LINGO1: variants seen among roughly 807,000 people sequenced by gnomAD.
LINGO1 encodes leucine-rich repeat and immunoglobulin-like domain-containing nogo receptor-interacting protein 1.
In LINGO1, 11 loss-of-function variants were observed where a neutral mutation model predicts 37.3. That is an observed-to-expected ratio of 0.29 (90% CI 0.19 to 0.49). The LOEUF (loss-of-function observed/expected upper bound fraction) is 0.49. Among genes scored for constraint, LINGO1 ranks in the 20% least tolerant of loss-of-function variants. The pLI is 0.99. For missense variants in LINGO1, 585 were observed against 878.2 expected (o/e 0.67, Z 4.22); for synonymous variants, 387 against 403.0 (o/e 0.96, Z 0.48).
upstream of LINGO1, among the ~76,000 whole-genome samples, chr15:77,788,913 A>G (rs2076796763): frequency 6.6e-6 from 1 of 152,174 alleles, no homozygotes. Flanking sequence ...ACAAGTACAC[A>G]CCATGTACCA....
chr15:77,649,216 T>A (rs1178974208), intron 3 of LINGO1: 7 of 152,246 alleles, frequency 4.6e-5, no homozygotes, highest in African/African-American at 1.7e-4. Context: ...CACACGGTCA[T>A]ATAAATGGGA....
intron 2 of LINGO1, among the ~76,000 whole-genome samples, chr15:77,709,110 A>T (rs950557996): frequency 6.6e-6 from 1 of 152,232 alleles, no homozygotes; most frequent in Non-Finnish European, 1.5e-5. Flanking sequence ...TCAGACTTCC[A>T]GTCTCCAGAG....
At chr15:77,681,191 G>C (rs1367705817) in intron 2 of LINGO1, among the ~76,000 whole-genome samples, 1 of 151,594 alleles carries the variant, frequency 6.6e-6, no homozygotes, top group Non-Finnish European at 1.5e-5. Flanking sequence ...TTTTGATGAT[G>C]AGAAATTCAA....
At chr15:77,636,218 A>G (rs1408294321), upstream of LINGO1, among the ~76,000 whole-genome samples, 1 of 152,164 alleles carries the variant, frequency 6.6e-6, no homozygotes, top group African/African-American at 2.4e-5. Flanking sequence ...AGGAGGCAGG[A>G]GGTGGAGCTG....
At chr15:77,647,074 C>T (rs929390496) in intron 3 of LINGO1, among the ~76,000 whole-genome samples, 8 of 111,242 alleles carry the variant, frequency 7.2e-5, no homozygotes, top group East Asian at 2.9e-4. Context: ...TATGGAGGTG[C>T]GGGAGGGCTC....
intron 2 of LINGO1, among the ~76,000 whole-genome samples, chr15:77,689,675 C>T (rs1035948573): frequency 6.6e-6 from 1 of 152,184 alleles, no homozygotes; most frequent in Non-Finnish European, 1.5e-5. Context: ...CCCATCTTTG[C>T]CTGCGCTATC....
intron 2 of LINGO1, among the ~76,000 whole-genome samples, chr15:77,721,556 A>G (rs1266267963): frequency 6.6e-6 from 1 of 152,080 alleles, no homozygotes; most frequent in Non-Finnish European, 1.5e-5. Flanking sequence ...CCTCCATTCA[A>G]CTACAGAAGC....
At chr15:77,772,709 C>T (rs2076598165) in intron 1 of LINGO1, among the ~76,000 whole-genome samples, 1 of 152,084 alleles carries the variant, frequency 6.6e-6, no homozygotes, top group Non-Finnish European at 1.5e-5. Flanking sequence ...TTTTCCTTCT[C>T]CAAATGAGGT....
At chr15:77,750,401 T>TAC (rs142950882) in intron 1 of LINGO1, among the ~76,000 whole-genome samples, 1 of 152,236 alleles carries the variant, frequency 6.6e-6, no homozygotes, top group Non-Finnish European at 1.5e-5. Context: ...TTATTTGTTT[T>TAC]ACACACACAC....
intron 2 of LINGO1, among the ~76,000 whole-genome samples, chr15:77,705,891 C>A (rs1478571703): frequency 6.6e-6 from 1 of 152,128 alleles, no homozygotes; most frequent in Non-Finnish European, 1.5e-5. Context: ...GCCTGAAATC[C>A]CACCAGTCAT....
At position 77,614,701 on chromosome 15, in the gene LINGO1, G is replaced by T. The variant is rs768386397; in HGVS notation, c.1206C>A (p.Val402=). Residue 402 remains valine, a synonymous_variant, in exon 2 of 2, where the codon GTC becomes GTA. Transcript: ENST00000355300. Reference sequence around the variant, plus strand: ...GGAAGTCCTTGAACTCCTTGCCCTGGACAAACTCGGGCGTGGCGCACGTGG... The same window carrying T: ...GGAAGTCCTTGAACTCCTTGCCCTGTACAAACTCGGGCGTGGCGCACGTGG... ...QQPTCATPEF[V]QGKEFKDFPD... is the part of the protein sequence containing the mutation. 1 of 1,610,320 alleles carries T rather than the reference G, an allele frequency of 6.2e-7. No homozygotes were observed. The highest frequency in any genetic ancestry group is 8.5e-7 in the Non-Finnish European group (1 of 1,178,348).
At chr15:77,696,837 C>T (rs2075702360), upstream of LINGO1, among the ~76,000 whole-genome samples, 1 of 152,256 alleles carries the variant, frequency 6.6e-6, no homozygotes, top group Non-Finnish European at 1.5e-5. Flanking sequence ...CCGGGGCCTG[C>T]CCCAATTTGC....
intron 2 of LINGO1, among the ~76,000 whole-genome samples, chr15:77,794,294 GTATATATATACATA>G (rs1235550603): frequency 1.3e-5 from 1 of 74,494 alleles, no homozygotes; most frequent in Non-Finnish European, 2.8e-5. Flanking sequence ...ATATATGTAT[GTATATATATACATA>G]TATGTGTATA....
chr15:77,729,246 G>C (rs777464779), intron 2 of LINGO1, among the ~76,000 whole-genome samples: 9 of 152,196 alleles, frequency 5.9e-5, no homozygotes, highest in Non-Finnish European at 1.2e-4. Context: ...CTAAGGAAGG[G>C]GATGCAAAGA....
At chr15:77,728,386 C>A (rs2076123392) in intron 2 of LINGO1, among the ~76,000 whole-genome samples, 1 of 152,258 alleles carries the variant, frequency 6.6e-6, no homozygotes, top group Non-Finnish European at 1.5e-5. Context: ...GGCCAGAGAC[C>A]AAAGCCTCGT....
At chr15:77,799,055 T>C (rs1265617431) in intron 1 of LINGO1, among the ~76,000 whole-genome samples, 1 of 152,146 alleles carries the variant, frequency 6.6e-6, no homozygotes, top group East Asian at 1.9e-4. Flanking sequence ...ATTGGGAGAC[T>C]GAGGTCCAAC....
rs753953462 is a variant in LINGO1 at position 77,615,252 on chromosome 15, C to T, written c.655G>A (p.Val219Ile). ...EALSHLHGLI[V>I]LRLRHLNINA... ...ATGTTGAGGTGCCGGAGCCTCAGGACGATGAGGCCGTGCAGGTGGGACAGC... is the reference window on the plus strand; with the variant it reads ...ATGTTGAGGTGCCGGAGCCTCAGGATGATGAGGCCGTGCAGGTGGGACAGC... The change falls in exon 2 of 2, where the codon GTC (valine) becomes ATC (isoleucine). Residue 219 changes from valine to isoleucine, a missense_variant. This residue lies in a region of LINGO1 where 484 missense variants were observed against 735.0 expected (regional missense o/e 0.66). Coordinates refer to ENST00000355300, the MANE Select transcript of LINGO1 (RefSeq NM_032808.7). 11 of 1,613,658 alleles carry T rather than the reference C, an allele frequency of 6.8e-6. No individual in the cohort carries two copies. The highest frequency in any genetic ancestry group is 6.7e-5 in the East Asian group (3 of 44,862).
intron 1 of LINGO1, among the ~76,000 whole-genome samples, chr15:77,621,293 G>A (rs1265860739): frequency 6.6e-6 from 1 of 152,178 alleles, no homozygotes; most frequent in Non-Finnish European, 1.5e-5. Context: ...GAACTCACGT[G>A]ATCCACCCAC....
intron 1 of LINGO1, among the ~76,000 whole-genome samples, chr15:77,739,069 G>C (rs751388067): frequency 1.2e-4 from 18 of 152,234 alleles, no homozygotes; most frequent in Non-Finnish European, 1.9e-4. Flanking sequence ...CCACCCCAGG[G>C]AGTCTGCGGC....
Sources: gnomAD v4.1 joint callset for allele counts (sites outside exome capture counted in the v4.1 genomes callset) on GRCh38, gnomAD v4.1.1 for gene constraint, gnomAD v4.1.1 regional missense constraint, MANE v1.5 for transcripts, NCBI Gene and HGNC (gene_info 2026-07-23, HGNC 2026-07-21) for gene names.